CHD9: variants seen among roughly 807,000 people sequenced by gnomAD.
CHD9 encodes chromodomain helicase DNA binding protein 9.
In CHD9, 77 loss-of-function variants were observed where a neutral mutation model predicts 316.1. That is an observed-to-expected ratio of 0.24 (90% CI 0.20 to 0.29). CHD9 has a LOEUF of 0.29. Ranked by LOEUF, CHD9 falls within the 10% of genes least tolerant of loss-of-function variation. The probability of loss-of-function intolerance (pLI) is 1.00; values close to 1 mark genes in which losing one functional copy is unlikely to be tolerated. For synonymous variants in CHD9, 1,129 were observed against 1,158.3 expected (o/e 0.97, Z 0.51); for missense variants, 2,763 against 3,438.1 (o/e 0.80, Z 4.91).
At chr16:53,120,227 GT>G (rs1417781983) in intron 1 of CHD9, among the ~76,000 whole-genome samples, 1 of 152,008 alleles carries the variant, frequency 6.6e-6, no homozygotes, top group African/African-American at 2.4e-5. Context: ...GCAAGACCCT[GT>G]CTCTAAAAAA....
chr16:53,146,419 G>GTGTATATATATA lies in CHD9; in HGVS notation c.-164-9506_-164-9505insGTATATATATAT, dbSNP rs1555492145. 4.7e-4 allele frequency among the ~76,000 whole-genome samples: 36 copies of GTGTATATATATA among 76,674 alleles called. 1 individual carries two copies. Among genetic ancestry groups the GTGTATATATATA allele is most frequent in the African/African-American group, 1.2e-3 (21 of 16,888 alleles). The allele number at this position is 76,674 out of a possible 152,430, so 50.3% of individuals were successfully genotyped here. A position where few individuals can be genotyped will look rare whatever the true frequency, so the allele number is the denominator to read the frequency against. ...AAAAAAAAATTGTGTGTGTGTGTAT[G>GTGTATATATATA]TATATATATATATATATAATTAAAA... On this transcript the variant is annotated intron_variant, in intron 1 of 38. Transcript: ENST00000447540.
In CHD9 at chr16:53,315,012, G is replaced by A; in HGVS notation, c.7552G>A (p.Gly2518Ser). The change falls in exon 36 of 39, where the codon GGT (glycine) becomes AGT (serine). Residue 2518 changes from glycine (G) to serine (S), a missense_variant. Gly to Ser is a moderately conservative substitution (Grantham distance 56). Around this residue, in one of 15 missense-constraint regions of CHD9, gnomAD observed 663 missense variants for 751.2 expected, o/e 0.88. Transcript: ENST00000447540. ...DLEKWLKEHP[G>S]YVEDLGAFIP... ...GGAAAAATGGCTTAAGGAGCACCCG[G>A]GTTATGTGGAAGATTTGGGAGCTTT... 1 of 1,613,690 alleles carries A rather than the reference G, an allele frequency of 6.2e-7. No homozygotes were observed. The highest frequency in any genetic ancestry group is 8.5e-7 in the Non-Finnish European group (1 of 1,179,754).
rs531075537 is a variant in CHD9, at chr16:53,131,760, C to G, written c.-164-24166C>G. 1.2e-4 allele frequency among the ~76,000 whole-genome samples: 18 copies of G among 152,266 alleles called. No individual in the cohort carries two copies. In the South Asian group the frequency reaches 3.7e-3, roughly 32 times the overall value. ...CCTCCGTGAGTCATGACAGGGCGTC[C>G]CGCGCGGGCACCCGACGTCCCGGAG... On this transcript the variant is annotated intron_variant, in intron 1 of 38. Transcript: ENST00000447540.
At chr16:53,260,611 T>G (rs942662733) in intron 19 of CHD9, among the ~76,000 whole-genome samples, 1 of 152,186 alleles carries the variant, frequency 6.6e-6, no homozygotes, top group Admixed American at 6.5e-5. Context: ...CAACACAAAC[T>G]TTTTCTCTTA....
intron 17 of CHD9, chr16:53,250,267 A>G (rs1449134363): frequency 1.1e-5 from 6 of 540,746 alleles, no homozygotes; most frequent in East Asian, 9.7e-5. Context: ...TTACTTTTTT[A>G]TATGTCTCAC....
intron 2 of CHD9, among the ~76,000 whole-genome samples, chr16:53,170,703 T>C (rs187362991): frequency 9.2e-5 from 14 of 152,210 alleles, no homozygotes; most frequent in Non-Finnish European, 1.8e-4. Context: ...TGATTTTGTT[T>C]AGGCCCTTAC....
chr16:53,153,554 G>T (rs1028807982), intron 1 of CHD9, among the ~76,000 whole-genome samples: 5 of 152,006 alleles, frequency 3.3e-5, no homozygotes, highest in Non-Finnish European at 5.9e-5. Context: ...TTGGAGACAG[G>T]GCCTCTCTCT....
At chr16:53,207,145 G>A (rs1331891259) in intron 2 of CHD9, among the ~76,000 whole-genome samples, 1 of 152,054 alleles carries the variant, frequency 6.6e-6, no homozygotes, top group African/African-American at 2.4e-5. Flanking sequence ...GACTAACCAG[G>A]ACCAACTGAA....
rs2057451828 is a variant in CHD9 at position 53,324,320 on chromosome 16, A to T, written c.8119A>T (p.Met2707Leu). The change falls in exon 39 of 39, where the codon ATG becomes TTG. Residue 2707 changes from methionine to leucine, a missense_variant. Around this residue, in one of 15 missense-constraint regions of CHD9, gnomAD observed 298 missense variants for 380.2 expected, o/e 0.78. Coordinates refer to ENST00000447540, the MANE Select transcript of CHD9 (RefSeq NM_001308319.2). The part of the protein sequence containing the change: ...GLPSGGEAKN[M>L]AAMFPMLLSG... ...TCCTTCTGGAGGAGAAGCTAAAAAC[A>T]TGGCTGCTATGTTCCCCATGCTGCT... The T allele has an allele frequency of 1.2e-6, 2 of 1,613,870 alleles. No individual in the cohort carries two copies. Among genetic ancestry groups the T allele is most frequent in the African/African-American group, 1.3e-5 (1 of 74,950 alleles).
At chr16:53,146,413 GTGTATGTA>G (rs1351343833) in intron 1 of CHD9, among the ~76,000 whole-genome samples, 2 of 24,486 alleles carry the variant, frequency 8.2e-5, no homozygotes, top group South Asian at 9.7e-4. Context: ...TTGTGTGTGT[GTGTATGTA>G]TATATATATA....
intron 17 of CHD9, among the ~76,000 whole-genome samples, chr16:53,252,804 A>G (rs1363282589): frequency 4.6e-5 from 7 of 152,214 alleles, no homozygotes; most frequent in Non-Finnish European, 1.0e-4. Context: ...AAGATGGTCA[A>G]CATCACTAAT....
intron 2 of CHD9, among the ~76,000 whole-genome samples, chr16:53,160,734 C>T (rs1374872350): frequency 6.6e-6 from 1 of 152,124 alleles, no homozygotes; most frequent in Admixed American, 6.5e-5. Flanking sequence ...TGGTGAAACC[C>T]CGTCTCTACT....
intron 22 of CHD9, among the ~76,000 whole-genome samples, chr16:53,273,386 A>G (rs1463791566): frequency 3.3e-5 from 5 of 152,184 alleles, no homozygotes; most frequent in Admixed American, 3.3e-4. Context: ...TTTTGGAACA[A>G]AAAGGAAATC....
At chr16:53,286,189 T>A in intron 25 of CHD9, 37 bp from the exon 26 acceptor site, 2 of 1,258,330 alleles carry the variant, frequency 1.6e-6, no homozygotes, top group Non-Finnish European at 2.3e-6. Flanking sequence ...TTTCTTCTTT[T>A]TATCTTTTTT....
Position 53,156,990 on chromosome 16 carries a change from A to T in CHD9, c.901A>T (p.Thr301Ser). 1.9e-6 allele frequency: 3 copies of T among 1,612,778 alleles called. No individual in the cohort carries two copies. Among genetic ancestry groups the T allele is most frequent in the Non-Finnish European group, 2.5e-6 (3 of 1,179,340 alleles). Residue 301 changes from threonine to serine, a missense_variant, in exon 2 of 39, where the codon ACT (threonine) becomes TCT (serine). Around this residue, in one of 15 missense-constraint regions of CHD9, gnomAD observed 859 missense variants for 890.4 expected, o/e 0.96. Coordinates refer to ENST00000447540, the MANE Select transcript of CHD9 (RefSeq NM_001308319.2). ...AVLASNHTNQ[T>S]LSDFTGSNSF... ...TCTTGCATCTAATCATACAAATCAG[A>T]CTTTATCTGATTTTACTGGAAGTAA... is the stretch of plus-strand genomic sequence containing the variant.
At chr16:53,116,863 T>G (rs921757923) in intron 1 of CHD9, among the ~76,000 whole-genome samples, 4 of 152,106 alleles carry the variant, frequency 2.6e-5, no homozygotes, top group African/African-American at 9.7e-5. Flanking sequence ...AAAAGTGTGG[T>G]ACATTTAAAC....
At chr16:53,233,387 C>T (rs1276192426) in intron 10 of CHD9, among the ~76,000 whole-genome samples, 1 of 152,054 alleles carries the variant, frequency 6.6e-6, no homozygotes, top group Non-Finnish European at 1.5e-5. Context: ...AGCTTCTGTC[C>T]CTGTAGAGTT....
chr16:53,116,737 G>A (rs1339774338), intron 1 of CHD9, among the ~76,000 whole-genome samples: 1 of 151,966 alleles, frequency 6.6e-6, no homozygotes, highest in Non-Finnish European at 1.5e-5. Flanking sequence ...TATACCCAAA[G>A]GAATATAAAT....
rs1283937432 is a variant in CHD9, at chr16:53,247,515, T to G, written c.3665+12T>G. 6.5e-7 allele frequency: 1 copy of G among 1,543,342 alleles called. No individual in the cohort carries two copies. Among genetic ancestry groups the G allele is most frequent in the Admixed American group, 1.8e-5 (1 of 54,316 alleles). On this transcript the variant is annotated intron_variant, in intron 16 of 38. Transcript: ENST00000447540. ...CTCATACATAAAAGGTAAAGCATAC[T>G]GAATTTACTGTGAATTATGCTAAGT...
Sources: allele counts gnomAD v4.1 joint callset (sites outside exome capture counted in the v4.1 genomes callset), GRCh38; gene constraint gnomAD v4.1.1; regional missense constraint gnomAD v4.1.1; transcripts MANE v1.5; gene names NCBI Gene and HGNC (gene_info 2026-07-23, HGNC 2026-07-21).